The following AHNAK variants were observed in gnomAD, a reference collection of about 807,000 sequenced individuals.
The protein encoded by AHNAK is AHNAK nucleoprotein, also known as neuroblast differentiation-associated protein AHNAK.
In AHNAK, 23 loss-of-function variants were observed where a neutral mutation model predicts 37.8. That is an observed-to-expected ratio of 0.61 (90% CI 0.44 to 0.86). The LOEUF (loss-of-function observed/expected upper bound fraction) is 0.86, where lower values mean the gene tolerates loss of function less well. Ranked by LOEUF, AHNAK falls within the 40% of genes least tolerant of loss-of-function variation. AHNAK has a pLI of 0.00. For synonymous variants in AHNAK, 2,481 were observed against 2,636.3 expected (o/e 0.94, Z 1.80); for missense variants, 7,411 against 7,319.4 (o/e 1.01, Z -0.46).
chr11:62,451,371 C>T (rs988319440), intron 5 of AHNAK, among the ~76,000 whole-genome samples: 4 of 150,822 alleles, frequency 2.7e-5, no homozygotes, highest in Non-Finnish European at 5.9e-5. Context: ...GACAGCCTGG[C>T]AGGATGGCTG....
At chr11:62,510,635 T>G (rs1044950276) in intron 4 of AHNAK, among the ~76,000 whole-genome samples, 1 of 151,898 alleles carries the variant, frequency 6.6e-6, no homozygotes, top group Non-Finnish European at 1.5e-5. Flanking sequence ...TCCCAGCTAC[T>G]TGGGAGGCTG....
intron 5 of AHNAK, among the ~76,000 whole-genome samples, chr11:62,485,118 G>A (rs1939363422): frequency 6.6e-6 from 1 of 152,122 alleles, no homozygotes; most frequent in African/African-American, 2.4e-5. Flanking sequence ...AGATTAATTG[G>A]CCGGGAGCAG....
intron 5 of AHNAK, among the ~76,000 whole-genome samples, chr11:62,454,775 T>C (rs1938620897): frequency 6.6e-6 from 1 of 151,798 alleles, no homozygotes; most frequent in Non-Finnish European, 1.5e-5. Flanking sequence ...ATGAGTGATC[T>C]CCCCACACTC....
In AHNAK at chr11:62,528,966, G is replaced by A. The variant is rs1299573567; in HGVS notation, c.5451C>T (p.Val1817=). 1 of 1,613,926 alleles carries A rather than the reference G, an allele frequency of 6.2e-7. No homozygotes were observed. The highest frequency in any genetic ancestry group is 1.3e-5 in the African/African-American group (1 of 74,864). Residue 1817 remains valine, a synonymous_variant, in exon 5 of 5, where the codon GTC becomes GTT. Coordinates refer to ENST00000378024, the MANE Select transcript of AHNAK (RefSeq NM_001620.3). ...EGDLRGPQVD[V]KGPFVEAEVP... ...CCTCCGCTTCCACAAAAGGACCTTT[G>A]ACATCAACTTGCGGCCCTCTGAGAT...
At chr11:62,544,385 A>G (rs1941238914) in intron 1 of AHNAK, among the ~76,000 whole-genome samples, 1 of 150,774 alleles carries the variant, frequency 6.6e-6, no homozygotes, top group African/African-American at 2.5e-5. Flanking sequence ...GGGCCTCCAT[A>G]TCAGCCCGCA....
Position 62,523,962 on chromosome 11 carries a change from A to G in AHNAK, c.10455T>C (p.Ser3485=), listed in dbSNP as rs369230975. The G allele has an allele frequency of 2.5e-6, 4 of 1,614,046 alleles. No individual in the cohort carries two copies. Among genetic ancestry groups the G allele is most frequent in the Non-Finnish European group, 2.5e-6 (3 of 1,180,002 alleles). The change falls in exon 5 of 5, where the codon TCT becomes TCC. Residue 3485 remains serine (S), a synonymous_variant. Transcript: ENST00000378024. The part of the protein sequence containing the change: ...PKMKMPKFSV[S]GLKAEGPDVA... Reference sequence around the variant, plus strand: ...CATCTGGCCCTTCTGCTTTTAAGCCAGACACACTGAATTTGGGCATTTTCA... The same window carrying G: ...CATCTGGCCCTTCTGCTTTTAAGCCGGACACACTGAATTTGGGCATTTTCA...
Position 62,527,844 on chromosome 11 carries a change from T to G in AHNAK, c.6573A>C (p.Leu2191Phe), listed in dbSNP as rs768696646. 30 of 1,606,224 alleles carry G rather than the reference T, an allele frequency of 1.9e-5. No homozygotes were observed. Among genetic ancestry groups the G allele is most frequent in the African/African-American group, 2.8e-5 (2 of 72,260 alleles). ...CTTTGACTTTGGGGCCTTTCAAGTT[T>G]AAGTTCACATCAGGCATGGAGATCT... Reference protein sequence around the residue: ...TPKISMPDVNLNLKGPKVKGD... With the variant: ...TPKISMPDVNFNLKGPKVKGD... The change falls in exon 5 of 5, where the codon TTA (leucine) becomes TTC (phenylalanine). Residue 2191 changes from leucine (L) to phenylalanine (F), a missense_variant. Coordinates refer to ENST00000378024, the MANE Select transcript of AHNAK (RefSeq NM_001620.3).
chr11:62,484,452 T>C (rs1281325644), intron 5 of AHNAK, among the ~76,000 whole-genome samples: 1 of 152,126 alleles, frequency 6.6e-6, no homozygotes, highest in Non-Finnish European at 1.5e-5. Context: ...CTTGCTACTT[T>C]ATGTAAGGTG....
Position 62,529,055 on chromosome 11 carries a change from A to G in AHNAK, c.5362T>C (p.Leu1788=), listed in dbSNP as rs1346257195. The change falls in exon 5 of 5, where the codon TTG becomes CTG. Residue 1788 remains leucine (L), a synonymous_variant. Transcript: ENST00000378024. ...APKVSMPDVD[L]NLKGPKLKGE... is the part of the protein sequence containing the mutation. ...TTCAGTTTGGGTCCCTTCAAATTCA[A>G]GTCCACATCTGGCATGGAGACCTTG... The G allele has an allele frequency of 1.2e-6, 2 of 1,614,200 alleles. No homozygotes were observed. Among genetic ancestry groups the G allele is most frequent in the African/African-American group, 1.3e-5 (1 of 75,052 alleles).
At chr11:62,451,736 C>CAAAA (rs572246314) in intron 5 of AHNAK, among the ~76,000 whole-genome samples, 1 of 113,458 alleles carries the variant, frequency 8.8e-6, no homozygotes, top group Non-Finnish European at 1.7e-5. Context: ...GACTCCGTCT[C>CAAAA]AAAAAAAAAA....
chr11:62,519,551 C>T lies in AHNAK; in HGVS notation c.14866G>A (p.Val4956Ile), dbSNP rs1590650516. ...GPKVEAPSLD[V>I]HMDSPDINIE... The stretch of plus-strand genomic sequence containing the variant: ...TTAATATCTGGGCTGTCCATGTGTA[C>T]ATCTAAGCTTGGAGCTTCAACTTTG... The change falls in exon 5 of 5, where the codon GTA becomes ATA. Residue 4956 changes from valine (V) to isoleucine (I), a missense_variant. Physicochemically the swap from Val to Ile is conservative, Grantham distance 29 (BLOSUM62 3). Transcript: ENST00000378024. 3 of 1,611,704 alleles carry T rather than the reference C, an allele frequency of 1.9e-6. No homozygotes were observed. Among genetic ancestry groups the T allele is most frequent in the Non-Finnish European group, 2.5e-6 (3 of 1,178,938 alleles).
downstream of AHNAK, among the ~76,000 whole-genome samples, chr11:62,512,424 G>A (rs950369563): frequency 4.6e-5 from 7 of 152,178 alleles, no homozygotes; most frequent in African/African-American, 1.7e-4. The surrounding 1 kb of genome is among the most constrained non-coding windows in gnomAD (Gnocchi z 4.0). Context: ...ATCCTTCAGG[G>A]CCAGGGATAG....
At chr11:62,540,760 G>A (rs1369145583) in intron 1 of AHNAK, among the ~76,000 whole-genome samples, 3 of 152,352 alleles carry the variant, frequency 2.0e-5, no homozygotes, top group South Asian at 4.1e-4. Context: ...TGGCGAGGCC[G>A]CTCCAGCTGC....
chr11:62,496,048 C>CA (rs774256386), intron 4 of AHNAK, among the ~76,000 whole-genome samples: 4,984 of 109,006 alleles, frequency 0.046, 292 homozygotes, highest in African/African-American at 0.15. Context: ...GATCCTGTCT[C>CA]AAAAAAAAAA....
rs1940405661 is a variant in AHNAK, at chr11:62,524,713, C to A, written c.9704G>T (p.Gly3235Val). Residue 3235 changes from glycine to valine, a missense_variant, in exon 5 of 5, where the codon GGA becomes GTA. By Grantham distance (109) the Gly-to-Val change is moderately radical (BLOSUM62 -3). Transcript: ENST00000378024. The stretch of plus-strand genomic sequence containing the variant: ...ATTTGCAAGTGAAACATCCACCTCT[C>A]CTTTCATTTTAGGGCCTTTAAGATT... ...DLNLKGPKMKGEVDVSLANVE... is the reference protein window; with the variant it reads ...DLNLKGPKMKVEVDVSLANVE... 6.2e-7 allele frequency: 1 copy of A among 1,614,108 alleles called. No homozygotes were observed. The highest frequency in any genetic ancestry group is 1.3e-5 in the African/African-American group (1 of 74,930).
At position 62,531,544 on chromosome 11, in the gene AHNAK, G is replaced by A. The variant is rs1246284003; in HGVS notation, c.2873C>T (p.Pro958Leu). ...MPDVDLHMKG[P>L]KVKGEYDMTV... ...CATATCATATTCTCCCTTTACTTTA[G>A]GACCTTTCATATGCAAGTCCACATC... The change falls in exon 5 of 5, where the codon CCT (proline) becomes CTT (leucine). Residue 958 changes from proline (P) to leucine (L), a missense_variant. By Grantham distance (98) the Pro-to-Leu change is moderately conservative. Coordinates refer to ENST00000378024, the MANE Select transcript of AHNAK (RefSeq NM_001620.3). 6.2e-7 allele frequency: 1 copy of A among 1,614,068 alleles called. No homozygotes were observed. The highest frequency in any genetic ancestry group is 1.7e-5 in the Admixed American group (1 of 60,010).
At chr11:62,433,804 T>C (rs759643068) in exon 6 of AHNAK, 2 of 1,590,446 alleles carry the variant, frequency 1.3e-6, no homozygotes, top group Non-Finnish European at 8.6e-7. Flanking sequence ...CAATATGTAA[T>C]TTCCCATTTT....
intron 5 of AHNAK, among the ~76,000 whole-genome samples, chr11:62,471,501 T>C (rs1386164646): frequency 6.6e-6 from 1 of 152,188 alleles, no homozygotes; most frequent in Non-Finnish European, 1.5e-5. Flanking sequence ...TTAAATAATT[T>C]TGTGCATTAA....
rs1940641436 is a variant in AHNAK, at chr11:62,529,450, G to A, written c.4967C>T (p.Pro1656Leu). ...GCCTTTCAAGTGTAAGTCCACATCG[G>A]GCATGGAGATCTTGGGGGCCTTGAA... is the stretch of plus-strand genomic sequence containing the variant. ...MHFKAPKISM[P>L]DVDLHLKGPK... The change falls in exon 5 of 5, where the codon CCC (proline) becomes CTC (leucine). Residue 1656 changes from proline (P) to leucine (L), a missense_variant. Physicochemically the swap from Pro to Leu is moderately conservative, Grantham distance 98 (BLOSUM62 -3). Transcript: ENST00000378024. The A allele has an allele frequency of 2.5e-6, 4 of 1,613,814 alleles. No homozygotes were observed. The highest frequency in any genetic ancestry group is 3.4e-6 in the Non-Finnish European group (4 of 1,180,010).
Sources: gnomAD v4.1 joint callset for allele counts (sites outside exome capture counted in the v4.1 genomes callset) on GRCh38, gnomAD v4.1.1 for gene constraint, Gnocchi (gnomAD v3.1) non-coding constraint, MANE v1.5 for transcripts, NCBI Gene and HGNC (gene_info 2026-07-23, HGNC 2026-07-21) for gene names.